Variants in NEURL1 observed in about 807,000 individuals in gnomAD.
NEURL1 encodes the protein E3 ubiquitin-protein ligase NEURL1.
In NEURL1, 26 loss-of-function variants were observed where a neutral mutation model predicts 41.2. The ratio of observed to expected loss-of-function variants is 0.63; its 90% CI spans 0.46 to 0.87. The LOEUF is 0.87. NEURL1 is among the 40% of genes least tolerant of loss of function. The pLI is 0.00. For missense variants in NEURL1, 761 were observed against 871.1 expected (o/e 0.87, Z 1.59); for synonymous variants, 400 against 402.3 (o/e 0.99, Z 0.07).
chr10:103,571,232 C>A, intron 2 of NEURL1, 119 bp downstream of exon 2: 1 of 1,031,924 alleles, frequency 9.7e-7, no homozygotes, highest in South Asian at 1.5e-5. Context: ...GCACCACACC[C>A]TGCCCCTGCC....
Position 103,574,426 on chromosome 10 carries a change from C to G in NEURL1, c.649+2604C>G, listed in dbSNP as rs147468238. Among the ~76,000 whole-genome samples, 7 of 152,352 alleles carry G rather than the reference C, an allele frequency of 4.6e-5. No individual in the cohort carries two copies. In the East Asian group the frequency reaches 9.6e-4, roughly 21 times the overall value. On this transcript the variant is annotated intron_variant, in intron 3 of 5. Coordinates refer to ENST00000369780, the MANE Select transcript of NEURL1 (RefSeq NM_004210.5). ...GGCAGGGAGATAACTGAGGCCCACG[C>G]AAGGCCTGGCTTGCCCATGTAGGGA... is the stretch of plus-strand genomic sequence containing the variant.
At chr10:103,585,832 C>CAAA (rs764619225) in intron 4 of NEURL1, among the ~76,000 whole-genome samples, 9 of 91,504 alleles carry the variant, frequency 9.8e-5, no homozygotes, top group African/African-American at 2.0e-4. Flanking sequence ...GACTCCGTCT[C>CAAA]AAAAAAAAAA....
intron 1 of NEURL1, among the ~76,000 whole-genome samples, chr10:103,561,632 C>T (rs903210938): frequency 6.6e-6 from 1 of 152,194 alleles, no homozygotes; most frequent in African/African-American, 2.4e-5. Flanking sequence ...GAAGGGGTCA[C>T]ACAAGGGCCT....
rs778471485 is a variant in NEURL1 at position 103,590,298 on chromosome 10, A to C, written c.1651A>C (p.Lys551Gln). The change falls in exon 6 of 6, where the codon AAG (lysine) becomes CAG (glutamine). Residue 551 changes from lysine (K) to glutamine (Q), a missense_variant. Physicochemically the swap from Lys to Gln is moderately conservative, Grantham distance 53. Coordinates refer to ENST00000369780, the MANE Select transcript of NEURL1 (RefSeq NM_004210.5). Reference sequence around the variant, plus strand: ...CTACGCCTGTGGCCTGCGCCTCAAGAAGGCTCTGCACGCCTGCTGCCCCAT... The same window carrying C: ...CTACGCCTGTGGCCTGCGCCTCAAGCAGGCTCTGCACGCCTGCTGCCCCAT... ...LCYACGLRLK[K>Q]ALHACCPICR... is the part of the protein sequence containing the mutation. The C allele has an allele frequency of 6.2e-7, 1 of 1,613,958 alleles. No homozygotes were observed. Among genetic ancestry groups the C allele is most frequent in the Non-Finnish European group, 8.5e-7 (1 of 1,180,018 alleles).
intron 1 of NEURL1, among the ~76,000 whole-genome samples, chr10:103,501,409 C>T (rs2033819962): frequency 1.3e-5 from 2 of 151,934 alleles, no homozygotes; most frequent in Non-Finnish European, 2.9e-5. Context: ...CTGACCTGCT[C>T]ATCTGGAGTT....
At position 103,571,539 on chromosome 10, in the gene NEURL1, G is replaced by T; in HGVS notation, c.366G>T (p.Arg122=). 6.2e-7 allele frequency: 1 copy of T among 1,610,406 alleles called. No homozygotes were observed. The highest frequency in any genetic ancestry group is 8.5e-7 in the Non-Finnish European group (1 of 1,179,884). Residue 122 remains arginine, a synonymous_variant, in exon 3 of 6, where the codon CGG becomes CGT. Transcript: ENST00000369780. ...AGTGCTGCTGGAGCGGGGCCCTGCG[G>T]CTGGGCTTCACCAGCAAGGACCCGT... ...KKQCCWSGAL[R]LGFTSKDPSR... is the part of the protein sequence containing the mutation.
intron 1 of NEURL1, among the ~76,000 whole-genome samples, chr10:103,533,815 C>A (rs561421892): frequency 6.6e-6 from 1 of 152,126 alleles, no homozygotes; most frequent in Non-Finnish European, 1.5e-5. Context: ...GGATTACAGG[C>A]TTGAGCCACC....
Position 103,557,738 on chromosome 10 carries a change from C to T in NEURL1, c.86-13134C>T, listed in dbSNP as rs536017474. ...TGTACACACGCCCTAGCTGCCCCAGCGGCTCTGGTTTCACCTTCTTCTGGG... is the reference window on the plus strand; with the variant it reads ...TGTACACACGCCCTAGCTGCCCCAGTGGCTCTGGTTTCACCTTCTTCTGGG... On this transcript the variant is annotated intron_variant, in intron 1 of 5. Transcript: ENST00000369780. 2.9e-4 allele frequency among the ~76,000 whole-genome samples: 44 copies of T among 152,362 alleles called. No homozygotes were observed. The South Asian group carries it at 4.1e-3, about 14-fold the overall frequency.
At chr10:103,555,369 C>T (rs760290483) in intron 1 of NEURL1, 15 of 1,355,690 alleles carry the variant, frequency 1.1e-5, no homozygotes, top group East Asian at 4.6e-5. Context: ...CTGCACTGCC[C>T]GTCGCCGGAG....
chr10:103,517,219 G>A (rs996370355), intron 1 of NEURL1, among the ~76,000 whole-genome samples: 6 of 152,090 alleles, frequency 3.9e-5, no homozygotes, highest in African/African-American at 1.4e-4. Context: ...TAGAGATGAG[G>A]TCTCACTATA....
intron 1 of NEURL1, among the ~76,000 whole-genome samples, chr10:103,546,380 C>T (rs538773429): frequency 6.6e-6 from 1 of 152,366 alleles, no homozygotes; most frequent in East Asian, 1.9e-4. Flanking sequence ...CTGTTTTTCT[C>T]TTTCTGTACA....
chr10:103,552,352 G>T (rs1333712690), intron 1 of NEURL1, among the ~76,000 whole-genome samples: 1 of 152,140 alleles, frequency 6.6e-6, no homozygotes, highest in Non-Finnish European at 1.5e-5. Flanking sequence ...CTCGGCAATG[G>T]AGCGTTTCCT....
At chr10:103,586,401 C>A (rs371193202) in intron 4 of NEURL1, among the ~76,000 whole-genome samples, 1 of 152,102 alleles carries the variant, frequency 6.6e-6, no homozygotes, top group African/African-American at 2.4e-5. Flanking sequence ...TTGGACCCCC[C>A]CTCCAGAGAT....
At chr10:103,523,178 G>A (rs376733071) in intron 1 of NEURL1, among the ~76,000 whole-genome samples, 2 of 152,146 alleles carry the variant, frequency 1.3e-5, no homozygotes, top group East Asian at 1.9e-4. Context: ...TACAGAGCCA[G>A]GCTTGGTGGC....
chr10:103,561,089 C>T (rs967836595), intron 1 of NEURL1, among the ~76,000 whole-genome samples: 4 of 152,204 alleles, frequency 2.6e-5, no homozygotes, highest in Non-Finnish European at 5.9e-5. Context: ...TGGCTATGGG[C>T]AGTCCTTGGT....
chr10:103,500,547 G>C (rs150462243), intron 1 of NEURL1, among the ~76,000 whole-genome samples: 1 of 152,280 alleles, frequency 6.6e-6, no homozygotes, highest in South Asian at 2.1e-4. Flanking sequence ...TAATTTTTGC[G>C]TCTCTGGACA....
intron 3 of NEURL1, among the ~76,000 whole-genome samples, chr10:103,581,578 C>G (rs1204987895): frequency 6.6e-6 from 1 of 152,184 alleles, no homozygotes; most frequent in Non-Finnish European, 1.5e-5. Context: ...CTGATGACTT[C>G]AAATTCATTG....
chr10:103,520,871 T>C (rs773734614), intron 1 of NEURL1, among the ~76,000 whole-genome samples: 3 of 152,062 alleles, frequency 2.0e-5, no homozygotes, highest in Non-Finnish European at 4.4e-5. Flanking sequence ...ATTTGTCTTA[T>C]AGAATGATTG....
intron 1 of NEURL1, among the ~76,000 whole-genome samples, chr10:103,495,846 G>T (rs183390738): frequency 1.3e-5 from 2 of 152,208 alleles, no homozygotes; most frequent in Non-Finnish European, 2.9e-5. Context: ...GGTGGCTCAC[G>T]CCTGTAATCC....
Sources: allele counts gnomAD v4.1 joint callset (sites outside exome capture counted in the v4.1 genomes callset), GRCh38; gene constraint gnomAD v4.1.1; transcripts MANE v1.5; gene names NCBI Gene and HGNC (gene_info 2026-07-23, HGNC 2026-07-21).